The following CSMD3 variants were observed in gnomAD, a reference collection of about 807,000 sequenced individuals.
The protein encoded by CSMD3 is CUB and Sushi multiple domains 3.
In CSMD3, 177 loss-of-function variants were observed where a neutral mutation model predicts 435.2. That is an observed-to-expected ratio of 0.41 (90% CI 0.36 to 0.46). The LOEUF (loss-of-function observed/expected upper bound fraction) is 0.46. Ranked by LOEUF, CSMD3 falls within the 20% of genes least tolerant of loss-of-function variation. The pLI is 0.34. For missense variants in CSMD3, 4,265 were observed against 4,504.6 expected (o/e 0.95, Z 1.52); for synonymous variants, 1,656 against 1,520.5 (o/e 1.09, Z -2.07).
chr8:113,314,896 TAAC>T (rs1163922855), intron 1 of CSMD3, 103 bp from the exon 2 acceptor site: 1 of 756,324 alleles, frequency 1.3e-6, no homozygotes, highest in Non-Finnish European at 2.2e-6. Flanking sequence ...AGACCAAAGT[TAAC>T]AATAATTTTA....
chr8:112,826,382 G>C (rs757103335), intron 12 of CSMD3, among the ~76,000 whole-genome samples: 5 of 152,158 alleles, frequency 3.3e-5, no homozygotes, highest in Non-Finnish European at 5.9e-5. Flanking sequence ...AGCTCGGCAG[G>C]CTTAAGCAGA....
chr8:112,281,442 T>C, intron 58 of CSMD3, 92 bp from the exon 59 acceptor site: 1 of 1,022,850 alleles, frequency 9.8e-7, no homozygotes. Context: ...TTTCAAATTA[T>C]TCAAAGAAGC....
At chr8:113,317,325 C>G (rs2093917799) in intron 1 of CSMD3, among the ~76,000 whole-genome samples, 1 of 152,086 alleles carries the variant, frequency 6.6e-6, no homozygotes, top group Non-Finnish European at 1.5e-5. Context: ...TAACTAAAGG[C>G]AAGCATGAAT....
intron 6 of CSMD3, among the ~76,000 whole-genome samples, chr8:112,988,958 G>T (rs1377580657): frequency 6.6e-6 from 1 of 152,026 alleles, no homozygotes; most frequent in African/African-American, 2.4e-5. Context: ...GTTGATTTAA[G>T]TAATTCATTC....
intron 7 of CSMD3, among the ~76,000 whole-genome samples, chr8:112,959,793 C>T (rs191668353): frequency 2.1e-3 from 321 of 151,974 alleles, no homozygotes; most frequent in Middle Eastern, 0.01. Flanking sequence ...GCACATATCA[C>T]TATTGACAAT....
At chr8:112,333,982 T>C (rs1824328080) in intron 45 of CSMD3, among the ~76,000 whole-genome samples, 2 of 152,230 alleles carry the variant, frequency 1.3e-5, no homozygotes, top group Admixed American at 1.3e-4. Context: ...AATAATTCTA[T>C]TGTTTCAGCC....
At chr8:113,314,947 A>C (rs955664275) in intron 1 of CSMD3, among the ~76,000 whole-genome samples, 154 bp from the exon 2 acceptor site, 1 of 152,206 alleles carries the variant, frequency 6.6e-6, no homozygotes, top group East Asian at 1.9e-4. Context: ...ATATACAAAT[A>C]TATATGTAAA....
At chr8:113,180,771 T>A (rs72687606) in intron 3 of CSMD3, among the ~76,000 whole-genome samples, 14,603 of 152,096 alleles carry the variant, frequency 0.096, 913 homozygotes, top group Middle Eastern at 0.17. Flanking sequence ...ATTGCCACCA[T>A]GTGATTTTGT....
At chr8:113,163,739 T>C (rs2092093213) in intron 4 of CSMD3, among the ~76,000 whole-genome samples, 1 of 152,042 alleles carries the variant, frequency 6.6e-6, no homozygotes, top group South Asian at 2.1e-4. Flanking sequence ...ATTTAGACAG[T>C]TGTGTTATAC....
At chr8:112,329,290 G>A (rs1188977810) in intron 45 of CSMD3, among the ~76,000 whole-genome samples, 1 of 152,086 alleles carries the variant, frequency 6.6e-6, no homozygotes, top group Non-Finnish European at 1.5e-5. Flanking sequence ...TGAAACAAGC[G>A]AGAAATAAGA....
intron 13 of CSMD3, among the ~76,000 whole-genome samples, chr8:112,799,211 C>CA (rs1416807783): frequency 2.0e-4 from 31 of 151,304 alleles, no homozygotes; most frequent in African/African-American, 5.3e-4. Flanking sequence ...TTTAGTCACA[C>CA]AAAAAAAAAC....
Position 113,075,296 on chromosome 8 carries a change from G to T in CSMD3, c.917+23460C>A, listed in dbSNP as rs1036983628. 6.6e-5 allele frequency among the ~76,000 whole-genome samples: 10 copies of T among 151,848 alleles called. No homozygotes were observed. The East Asian group carries it at 1.5e-3, about 23-fold the overall frequency. On this transcript the variant is annotated intron_variant, in intron 5 of 70. Transcript: ENST00000297405. Reference sequence around the variant, plus strand: ...TTTTCTCTGTATAAGTCTTTTCAAAGAAAGGATCTTATTACCTCAGAAGAA... The same window carrying T: ...TTTTCTCTGTATAAGTCTTTTCAAATAAAGGATCTTATTACCTCAGAAGAA...
intron 3 of CSMD3, among the ~76,000 whole-genome samples, chr8:113,241,364 T>C (rs1231754934): frequency 6.6e-6 from 1 of 152,086 alleles, no homozygotes; most frequent in Non-Finnish European, 1.5e-5. Flanking sequence ...ACCTGATACA[T>C]ATTTAAGGCA....
chr8:113,421,835 A>G (rs2094610363), intron 1 of CSMD3, among the ~76,000 whole-genome samples: 1 of 152,332 alleles, frequency 6.6e-6, no homozygotes, highest in Admixed American at 6.5e-5. Context: ...AATACCATGG[A>G]AAGATTAACC....
At chr8:112,448,370 C>G (rs1815864201) in intron 32 of CSMD3, among the ~76,000 whole-genome samples, 1 of 152,110 alleles carries the variant, frequency 6.6e-6, no homozygotes, top group South Asian at 2.1e-4. Flanking sequence ...TGGGTGGACA[C>G]AATTCCCACT....
At chr8:112,777,144 C>A (rs1187333333) in intron 13 of CSMD3, among the ~76,000 whole-genome samples, 1 of 151,758 alleles carries the variant, frequency 6.6e-6, no homozygotes, top group Non-Finnish European at 1.5e-5. Flanking sequence ...AATAAGCACA[C>A]AATATATTTA....
At chr8:112,332,050 A>G (rs1382692595) in intron 45 of CSMD3, among the ~76,000 whole-genome samples, 2 of 152,108 alleles carry the variant, frequency 1.3e-5, no homozygotes, top group Non-Finnish European at 2.9e-5. Context: ...ACACTGCTCA[A>G]ATAAATGCAA....
chr8:112,692,364 A>G (rs1214759086), intron 13 of CSMD3, among the ~76,000 whole-genome samples: 1 of 152,166 alleles, frequency 6.6e-6, no homozygotes, highest in Non-Finnish European at 1.5e-5. Flanking sequence ...TAACTCATAA[A>G]TAATGTCTGA....
intron 55 of CSMD3, among the ~76,000 whole-genome samples, chr8:112,292,090 A>T (rs1819821243): frequency 6.6e-6 from 1 of 152,072 alleles, no homozygotes; most frequent in African/African-American, 2.4e-5. Context: ...GTTCTCCTTA[A>T]TCTGTTTCTA....
Sources: gnomAD v4.1 joint callset for allele counts (sites outside exome capture counted in the v4.1 genomes callset) on GRCh38, gnomAD v4.1.1 for gene constraint, MANE v1.5 for transcripts, NCBI Gene and HGNC (gene_info 2026-07-23, HGNC 2026-07-21) for gene names.